ASPRV1: variants seen among roughly 807,000 people sequenced by gnomAD.
The protein encoded by ASPRV1 is aspartic peptidase retroviral like 1, also known as retroviral-like aspartic protease 1.
ASPRV1 carries 7 observed loss-of-function variants against 11.0 expected under a neutral mutation model. The ratio of observed to expected loss-of-function variants is 0.64; its 90% CI spans 0.36 to 1.20. The LOEUF is 1.20. Among genes scored for constraint, ASPRV1 ranks in the 50% most tolerant of loss-of-function variants. The pLI, the probability that ASPRV1 is intolerant of heterozygous loss-of-function variation, is 0.02. For missense variants in ASPRV1, 299 were observed against 320.0 expected, an observed-to-expected ratio of 0.93 and a Z score of 0.50; for synonymous variants, 136 against 138.4, an observed-to-expected ratio of 0.98 and a Z score of 0.12.
chr2:69,966,575 C>T (rs1678348054), upstream of ASPRV1, among the ~76,000 whole-genome samples: 1 of 152,238 alleles, frequency 6.6e-6, no homozygotes, highest in African/African-American at 2.4e-5. Flanking sequence ...TTGACAAACA[C>T]CCCTGCAATT....
chr2:69,947,307 T>C, the ASPRV1 span, among the ~76,000 whole-genome samples: 1 of 152,198 alleles, frequency 6.6e-6, no homozygotes, highest in African/African-American at 2.4e-5. Flanking sequence ...CACTTTATAA[T>C]GTTAGGGAAA....
the ASPRV1 span, chr2:70,045,643 T>TG: frequency 2.6e-5 from 4 of 152,152 alleles, no homozygotes; most frequent in Admixed American, 6.6e-5. Flanking sequence ...ATATTAACTC[T>TG]GGGGGCGGGC....
At chr2:70,067,593 T>G in the ASPRV1 span, among the ~76,000 whole-genome samples, 2 of 152,236 alleles carry the variant, frequency 1.3e-5, no homozygotes, top group Non-Finnish European at 2.9e-5. Flanking sequence ...CATGGAATAC[T>G]GTCAAAGCAT....
the ASPRV1 span, among the ~76,000 whole-genome samples, chr2:70,043,393 G>A: frequency 6.6e-6 from 1 of 152,066 alleles, no homozygotes; most frequent in Non-Finnish European, 1.5e-5. Flanking sequence ...ACTCCAGCCT[G>A]GGTGGCAGAG....
At chr2:70,038,070 C>T in the ASPRV1 span, among the ~76,000 whole-genome samples, 116 of 152,286 alleles carry the variant, frequency 7.6e-4, no homozygotes, top group African/African-American at 2.7e-3. Flanking sequence ...GTGAAGGTTG[C>T]TGCTTTTATT....
chr2:69,952,447 A>G, the ASPRV1 span, among the ~76,000 whole-genome samples: 1 of 151,952 alleles, frequency 6.6e-6, no homozygotes, highest in East Asian at 1.9e-4. Flanking sequence ...CTAGGCCACA[A>G]TGAGCTGTGA....
At chr2:69,936,009 T>C in the ASPRV1 span, among the ~76,000 whole-genome samples, 1 of 152,066 alleles carries the variant, frequency 6.6e-6, no homozygotes, top group Non-Finnish European at 1.5e-5. Context: ...CACCATCTTG[T>C]TCCCCAATTC....
the ASPRV1 span, among the ~76,000 whole-genome samples, chr2:70,034,526 G>A: frequency 6.6e-6 from 1 of 151,280 alleles, no homozygotes; most frequent in African/African-American, 2.4e-5. Flanking sequence ...AGCAGGGATT[G>A]CGCCACTGCA....
the ASPRV1 span, among the ~76,000 whole-genome samples, chr2:69,999,907 C>T: frequency 2.0e-5 from 3 of 152,120 alleles, no homozygotes; most frequent in South Asian, 6.2e-4. Context: ...CCCTCTCCCA[C>T]CCAAGGTCAC....
chr2:69,964,230 C>T, upstream of ASPRV1: 1 of 376,506 alleles, frequency 2.7e-6, no homozygotes, highest in South Asian at 1.9e-5. Context: ...CCCAAGCCCA[C>T]CTTGGCCCCA....
chr2:69,975,267 G>C, the ASPRV1 span: 1 of 152,466 alleles, frequency 6.6e-6, no homozygotes, highest in South Asian at 2.1e-4. Context: ...AGTGATGCCT[G>C]GACGGAGGCC....
At chr2:70,050,655 G>GA in the ASPRV1 span, 1 of 152,106 alleles carries the variant, frequency 6.6e-6, no homozygotes, top group East Asian at 1.9e-4. Flanking sequence ...AAAATTATTG[G>GA]AAAAAATGTG....
chr2:69,984,941 C>G, the ASPRV1 span, among the ~76,000 whole-genome samples: 1 of 151,704 alleles, frequency 6.6e-6, no homozygotes, highest in Non-Finnish European at 1.5e-5. Context: ...ACTGCAAGCT[C>G]TGTCTCCCAG....
At chr2:70,035,497 TTCAC>T in the ASPRV1 span, among the ~76,000 whole-genome samples, 23 of 151,864 alleles carry the variant, frequency 1.5e-4, no homozygotes, top group Non-Finnish European at 3.2e-4. Flanking sequence ...CCACTAGTTC[TTCAC>T]TCACTCACTC....
the ASPRV1 span, among the ~76,000 whole-genome samples, chr2:70,068,085 C>A: frequency 6.6e-6 from 1 of 152,218 alleles, no homozygotes; most frequent in Non-Finnish European, 1.5e-5. Flanking sequence ...TGGCTCCAGG[C>A]AAGCCCTGGT....
At chr2:69,940,516 T>A in the ASPRV1 span, 1 of 152,652 alleles carries the variant, frequency 6.6e-6, no homozygotes, top group Non-Finnish European at 1.5e-5. Flanking sequence ...AATTTAGAAA[T>A]AAGGCATCCA....
At chr2:69,986,023 AACTC>A in the ASPRV1 span, among the ~76,000 whole-genome samples, 2 of 152,196 alleles carry the variant, frequency 1.3e-5, no homozygotes. Context: ...CAGTAATAAA[AACTC>A]ACTGTCGGGA....
chr2:69,943,395 C>T, the ASPRV1 span, among the ~76,000 whole-genome samples: 1 of 152,122 alleles, frequency 6.6e-6, no homozygotes, highest in South Asian at 2.1e-4. Flanking sequence ...GTGGTGCATT[C>T]GAGCTGGGCC....
the ASPRV1 span, among the ~76,000 whole-genome samples, chr2:69,999,226 C>T: frequency 6.6e-6 from 1 of 152,056 alleles, no homozygotes; most frequent in East Asian, 1.9e-4. Context: ...CCTGCCTCCG[C>T]CTCCCAGGTA....
Sources: gnomAD v4.1 joint callset for allele counts (sites outside exome capture counted in the v4.1 genomes callset) on GRCh38, gnomAD v4.1.1 for gene constraint, MANE v1.5 for transcripts, NCBI Gene and HGNC (gene_info 2026-07-23, HGNC 2026-07-21) for gene names.